MYH10: variants seen among roughly 807,000 people sequenced by gnomAD.
MYH10 encodes the protein myosin heavy chain 10.
MYH10 carries 55 observed loss-of-function variants against 257.8 expected under a neutral mutation model. The ratio of observed to expected loss-of-function variants is 0.21; its 90% CI spans 0.17 to 0.27. The LOEUF (loss-of-function observed/expected upper bound fraction) is 0.27. MYH10 is among the 10% of genes least tolerant of loss of function. MYH10 has a pLI of 1.00. For synonymous variants in MYH10, 854 were observed against 921.7 expected (o/e 0.93, Z 1.33); for missense variants, 1,631 against 2,500.6 (o/e 0.65, Z 7.42).
chr17:8,551,670 T>A (rs1396807287), intron 9 of MYH10, among the ~76,000 whole-genome samples: 2 of 152,224 alleles, frequency 1.3e-5, no homozygotes, highest in Non-Finnish European at 2.9e-5. Context: ...CAATAACATA[T>A]ATTCAGTTGT....
In MYH10 at chr17:8,601,887, A is replaced by T. The variant is rs557030838; in HGVS notation, c.502+2939T>A. Among the ~76,000 whole-genome samples the T allele has an allele frequency of 5.3e-5, 8 of 152,298 alleles. No individual in the cohort carries two copies. The South Asian group carries it at 1.7e-3, about 32-fold the overall frequency. On this transcript the variant is annotated intron_variant, in intron 3 of 42. Coordinates refer to ENST00000360416, the MANE Select transcript of MYH10 (RefSeq NM_001256012.3). ...ACTTTTGAATATTTTTTATTAATAC[A>T]CTTAAAGATGTGGGATGTGTGACCA... is the stretch of plus-strand genomic sequence containing the variant.
intron 35 of MYH10, among the ~76,000 whole-genome samples, chr17:8,488,923 A>G (rs1915314513): frequency 6.6e-6 from 1 of 151,880 alleles, no homozygotes; most frequent in Admixed American, 6.6e-5. Context: ...ATTCTTTAAT[A>G]CTCCCCACCT....
At position 8,548,315 on chromosome 17, in the gene MYH10, G is replaced by A; in HGVS notation, c.1157C>T (p.Thr386Ile). 6.2e-7 allele frequency: 1 copy of A among 1,604,942 alleles called. No individual in the cohort carries two copies. ...AAAGTCAGTATTCATCAGTTTACCT[G>A]TATTTTCTGGCATGGAAGCTTGATC... ...NTDQASMPEN[T>I]VAQKLCHLLG... is the part of the protein sequence containing the mutation. The change falls in exon 11 of 43, where the codon ACA (threonine) becomes ATA (isoleucine). Residue 386 changes from threonine to isoleucine, a missense_variant and splice_region_variant. Around this residue, in one of 11 missense-constraint regions of MYH10, gnomAD observed 360 missense variants for 581.9 expected, o/e 0.62. Coordinates refer to ENST00000360416, the MANE Select transcript of MYH10 (RefSeq NM_001256012.3).
chr17:8,496,097 A>T, intron 30 of MYH10, among the ~76,000 whole-genome samples: 1 of 152,276 alleles, frequency 6.6e-6, no homozygotes, highest in South Asian at 2.1e-4. Flanking sequence ...AATTAATAAT[A>T]TTTTTTTCTT....
At position 8,569,130 on chromosome 17, in the gene MYH10, G is replaced by A. The variant is rs2083254585; in HGVS notation, c.756+590C>T. On this transcript the variant is annotated intron_variant, in intron 7 of 42. Coordinates refer to ENST00000360416, the MANE Select transcript of MYH10 (RefSeq NM_001256012.3). This position sits in a 1 kb window ranked among gnomAD's most constrained non-coding sequence, Gnocchi z 4.1. The stretch of plus-strand genomic sequence containing the variant: ...CCGGCTCCTTGGGAGACTGAGGAAG[G>A]AGGATGCCTTGAGACCAGGAGTTGG... Among the ~76,000 whole-genome samples the A allele has an allele frequency of 6.6e-6, 1 of 151,914 alleles. No individual in the cohort carries two copies. Among genetic ancestry groups the A allele is most frequent in the Non-Finnish European group, 1.5e-5 (1 of 67,962 alleles).
rs568421127 is a variant in MYH10, at chr17:8,616,100, A to G, written c.345+6802T>C. Among the ~76,000 whole-genome samples, 137 of 152,274 alleles carry G rather than the reference A, an allele frequency of 9.0e-4. 1 individual carries two copies. The highest frequency in any genetic ancestry group is 3.1e-3 in the African/African-American group (128 of 41,556). On this transcript the variant is annotated intron_variant, in intron 2 of 42. Transcript: ENST00000360416. ...GTAGTTCGAGACCAGCCTGGGCAAC[A>G]TGGCGAAACCCTGTCTCTACAAAAA...
At position 8,492,988 on chromosome 17, in the gene MYH10, C is replaced by G. The variant is rs752486595; in HGVS notation, c.4246G>C (p.Gly1416Arg). The change falls in exon 33 of 43, where the codon GGA becomes CGA. Residue 1416 changes from glycine to arginine, a missense_variant. Around this residue, in one of 11 missense-constraint regions of MYH10, gnomAD observed 463 missense variants for 621.8 expected, o/e 0.74. Transcript: ENST00000360416. The part of the protein sequence containing the change: ...DTKKKVDDDL[G>R]TIESLEEAKK... ...GCTTCTTCCAGACTTTCAATTGTTC[C>G]CAGGTCGTCATCTACTTTCTTCTTG... 5.0e-6 allele frequency: 8 copies of G among 1,613,926 alleles called. No homozygotes were observed. The highest frequency in any genetic ancestry group is 6.8e-6 in the Non-Finnish European group (8 of 1,180,014).
At chr17:8,590,211 T>C (rs2084071477) in intron 3 of MYH10, among the ~76,000 whole-genome samples, 1 of 152,250 alleles carries the variant, frequency 6.6e-6, no homozygotes, top group Non-Finnish European at 1.5e-5. Context: ...TATGTCGTAT[T>C]CTTTTTTACA....
rs541699630 is a variant in MYH10 at position 8,514,317 on chromosome 17, G to A, written c.2505-423C>T. 8.5e-5 allele frequency among the ~76,000 whole-genome samples: 13 copies of A among 152,276 alleles called. No individual in the cohort carries two copies. The South Asian group carries it at 2.7e-3, about 32-fold the overall frequency. ...GTTTTCCTTTTGATATGTCACAGAA[G>A]AAACATTTCTCCCCAACCCCCAAGG... is the stretch of plus-strand genomic sequence containing the variant. On this transcript the variant is annotated intron_variant, in intron 21 of 42. Coordinates refer to ENST00000360416, the MANE Select transcript of MYH10 (RefSeq NM_001256012.3).
At position 8,497,210 on chromosome 17, in the gene MYH10, G is replaced by A. The variant is rs141270048; in HGVS notation, c.3952-1969C>T. Among the ~76,000 whole-genome samples, 1,101 of 152,280 alleles carry A rather than the reference G, an allele frequency of 7.2e-3. 4 individuals carry two copies. The highest frequency in any genetic ancestry group is 0.012 in the Non-Finnish European group (786 of 68,024). ...CTCTGTGCTGAGTCCTAGAGTCCTG[G>A]AGAATCATGTACTGTAGTGTGGTCT... On this transcript the variant is annotated intron_variant, in intron 30 of 42. Transcript: ENST00000360416.
chr17:8,550,450 G>A (rs1344715162), intron 9 of MYH10, among the ~76,000 whole-genome samples: 91 of 150,710 alleles, frequency 6.0e-4, no homozygotes, highest in Non-Finnish European at 2.2e-4. Context: ...CCCTCCGCCC[G>A]GCAGCCGCCC....
chr17:8,620,944 G>T (rs1025075219), intron 2 of MYH10, among the ~76,000 whole-genome samples: 1 of 152,192 alleles, frequency 6.6e-6, no homozygotes, highest in Admixed American at 6.5e-5. Context: ...AGTTAAGTTG[G>T]AAAAAAATCC....
intron 4 of MYH10, among the ~76,000 whole-genome samples, chr17:8,586,289 G>A (rs186491062): frequency 6.6e-6 from 1 of 152,256 alleles, no homozygotes; most frequent in Admixed American, 6.5e-5. Flanking sequence ...GTGTAAATAA[G>A]TCTTATCTTT....
In MYH10 at chr17:8,487,447, G is replaced by C; in HGVS notation, c.5032C>G (p.Leu1678Val). Residue 1678 changes from leucine (L) to valine (V), a missense_variant, in exon 36 of 43, where the codon CTC (leucine) becomes GTC (valine). Transcript: ENST00000360416. ...AAGGCACATACCTGGAGCTTGCGGA[G>C]CTGCTTAATCACCTCATCCCGAGCT... ...NKARDEVIKQ[L>V]RKLQAQMKDY... The C allele has an allele frequency of 6.2e-7, 1 of 1,614,174 alleles. No homozygotes were observed. Among genetic ancestry groups the C allele is most frequent in the South Asian group, 1.1e-5 (1 of 91,082 alleles).
chr17:8,599,153 A>T (rs796646546), intron 3 of MYH10, among the ~76,000 whole-genome samples: 10 of 152,332 alleles, frequency 6.6e-5, no homozygotes, highest in African/African-American at 2.2e-4. Flanking sequence ...TTTATTGCTA[A>T]TATCTTGTCT....
intron 6 of MYH10, among the ~76,000 whole-genome samples, chr17:8,571,511 G>A (rs1044197764): frequency 1.3e-5 from 2 of 152,094 alleles, no homozygotes; most frequent in African/African-American, 2.4e-5. Flanking sequence ...GGCCAGGCGC[G>A]GTGGCTTATG....
At chr17:8,554,539 A>G (rs2082729060) in intron 7 of MYH10, among the ~76,000 whole-genome samples, 1 of 152,216 alleles carries the variant, frequency 6.6e-6, no homozygotes, top group African/African-American at 2.4e-5. Flanking sequence ...TTTCTAAGGA[A>G]TATTTGATTT....
intron 2 of MYH10, among the ~76,000 whole-genome samples, chr17:8,613,179 G>A (rs759603278): frequency 1.3e-5 from 2 of 152,014 alleles, no homozygotes; most frequent in Non-Finnish European, 2.9e-5. Context: ...CCGATGCAAT[G>A]GCATTTTCAC....
At chr17:8,527,158 G>T (rs2151915399) in intron 17 of MYH10, among the ~76,000 whole-genome samples, 1 of 152,316 alleles carries the variant, frequency 6.6e-6, no homozygotes, top group African/African-American at 2.4e-5. Context: ...TAATATCCCT[G>T]TTACGTGGTA....
Sources: allele counts gnomAD v4.1 joint callset (sites outside exome capture counted in the v4.1 genomes callset), GRCh38; gene constraint gnomAD v4.1.1; regional missense constraint gnomAD v4.1.1; non-coding constraint Gnocchi (gnomAD v3.1); transcripts MANE v1.5; gene names NCBI Gene and HGNC (gene_info 2026-07-23, HGNC 2026-07-21).